ATOSA: variants seen among roughly 807,000 people sequenced by gnomAD.
The protein encoded by ATOSA is atos homolog A.
the ATOSA span, among the ~76,000 whole-genome samples, chr15:52,679,769 TCCTCCTC>T: frequency 9.9e-6 from 1 of 101,012 alleles, no homozygotes; most frequent in Non-Finnish European, 2.1e-5. Flanking sequence ...CTCCTCCTCC[TCCTCCTC>T]CTCCTCCTCC....
At chr15:52,628,682 G>A in the ATOSA span, among the ~76,000 whole-genome samples, 2 of 151,984 alleles carry the variant, frequency 1.3e-5, no homozygotes, top group Admixed American at 1.3e-4. Flanking sequence ...CTCCTCAAAT[G>A]ATATTATGAA....
chr15:52,587,438 A>G, the ATOSA span: 1 of 409,618 alleles, frequency 2.4e-6, no homozygotes, highest in Non-Finnish European at 4.3e-6. Flanking sequence ...TATAACATCA[A>G]TGGCCACAGC....
the ATOSA span, among the ~76,000 whole-genome samples, chr15:52,655,108 TTC>T: frequency 0.013 from 2,000 of 152,252 alleles, 18 homozygotes; most frequent in Middle Eastern, 0.02. Context: ...AAAGCCAGGA[TTC>T]AAACATAATG....
At chr15:52,605,125 A>G in the ATOSA span, 22 of 1,587,098 alleles carry the variant, frequency 1.4e-5, no homozygotes, top group Non-Finnish European at 1.8e-5. Flanking sequence ...AAGAAAAAAA[A>G]TGCTTACAGG....
the ATOSA span, among the ~76,000 whole-genome samples, chr15:52,612,900 C>T: frequency 6.6e-6 from 1 of 151,754 alleles, no homozygotes; most frequent in South Asian, 2.1e-4. Context: ...TATGCTACTA[C>T]ACCAAAATAT....
the ATOSA span, chr15:52,598,516 G>A: frequency 6.6e-5 from 10 of 152,262 alleles, no homozygotes; most frequent in East Asian, 1.2e-3. Flanking sequence ...AGTGACTCAA[G>A]TCTAACCCCA....
chr15:52,613,238 C>T, the ATOSA span, among the ~76,000 whole-genome samples: 1 of 152,320 alleles, frequency 6.6e-6, no homozygotes, highest in East Asian at 1.9e-4. Flanking sequence ...TGGTGGCACG[C>T]ACCTGTAGTC....
At chr15:52,628,451 C>T in the ATOSA span, among the ~76,000 whole-genome samples, 2 of 152,258 alleles carry the variant, frequency 1.3e-5, no homozygotes, top group African/African-American at 2.4e-5. Flanking sequence ...CTGTGACGTT[C>T]TCTAAGTCAA....
the ATOSA span, among the ~76,000 whole-genome samples, chr15:52,588,762 A>T: frequency 6.6e-6 from 1 of 152,254 alleles, no homozygotes; most frequent in Non-Finnish European, 1.5e-5. Flanking sequence ...TGTGATACTT[A>T]AAGAGCTTTA....
chr15:52,641,565 G>C, the ATOSA span, among the ~76,000 whole-genome samples: 1 of 152,196 alleles, frequency 6.6e-6, no homozygotes. Context: ...ATCACATCAA[G>C]AAAGAATATC....
the ATOSA span, among the ~76,000 whole-genome samples, chr15:52,589,416 C>T: frequency 6.6e-6 from 1 of 152,246 alleles, no homozygotes; most frequent in South Asian, 2.1e-4. Flanking sequence ...TCCTTGCCAG[C>T]CATCTGCCTC....
the ATOSA span, chr15:52,601,051 G>A: frequency 7.4e-7 from 1 of 1,352,560 alleles, no homozygotes; most frequent in Non-Finnish European, 1.0e-6. Flanking sequence ...GTGAAATTCT[G>A]TTTGAAACAC....
chr15:52,632,056 C>T, the ATOSA span, among the ~76,000 whole-genome samples: 1 of 152,106 alleles, frequency 6.6e-6, no homozygotes, highest in African/African-American at 2.4e-5. Flanking sequence ...TTGCACCTGA[C>T]CAGACAGTAT....
the ATOSA span, among the ~76,000 whole-genome samples, chr15:52,599,191 A>AT: frequency 1.3e-5 from 2 of 152,172 alleles, no homozygotes; most frequent in Non-Finnish European, 2.9e-5. Flanking sequence ...TCACTTATAC[A>AT]TTTTTTGTAG....
the ATOSA span, among the ~76,000 whole-genome samples, chr15:52,595,942 T>C: frequency 6.6e-6 from 1 of 152,056 alleles, no homozygotes; most frequent in African/African-American, 2.4e-5. Context: ...AGGGCCCTAT[T>C]TCTACAAAAA....
the ATOSA span, among the ~76,000 whole-genome samples, chr15:52,667,611 T>C: frequency 2.0e-5 from 3 of 152,230 alleles, no homozygotes; most frequent in Admixed American, 1.3e-4. Flanking sequence ...ACTGCCAATT[T>C]CCATGGTATA....
chr15:52,665,875 G>A, the ATOSA span, among the ~76,000 whole-genome samples: 5 of 151,942 alleles, frequency 3.3e-5, no homozygotes, highest in Non-Finnish European at 7.4e-5. Flanking sequence ...TTAGCTATAC[G>A]ACCATTAAAT....
chr15:52,626,205 C>T, the ATOSA span, among the ~76,000 whole-genome samples: 4 of 152,154 alleles, frequency 2.6e-5, no homozygotes, highest in African/African-American at 9.7e-5. Context: ...GGAGGATCAT[C>T]TTGAAACCCA....
the ATOSA span, among the ~76,000 whole-genome samples, chr15:52,697,836 G>A: frequency 7.2e-5 from 11 of 151,862 alleles, no homozygotes; most frequent in Admixed American, 4.6e-4. Context: ...TAAAGCTCAC[G>A]GGGGCTTTAT....
Sources: allele counts gnomAD v4.1 joint callset (sites outside exome capture counted in the v4.1 genomes callset), GRCh38; gene constraint gnomAD v4.1.1; transcripts MANE v1.5; gene names NCBI Gene and HGNC (gene_info 2026-07-23, HGNC 2026-07-21).